The following ADGB variants were observed in gnomAD, a reference collection of about 807,000 sequenced individuals.
The protein encoded by ADGB is androglobin, also known as calpain-7-like protein.
ADGB carries 172 observed loss-of-function variants against 210.5 expected under a neutral mutation model. The observed-to-expected ratio is 0.82, with a 90% CI of 0.72 to 0.93. The LOEUF is 0.93. Among genes scored for constraint, ADGB ranks in the 40% least tolerant of loss-of-function variants. The probability of loss-of-function intolerance (pLI) is 0.00; values close to 1 mark genes in which losing one functional copy is unlikely to be tolerated. For missense variants in ADGB, 2,025 were observed against 1,964.8 expected (o/e 1.03, Z -0.58); for synonymous variants, 658 against 662.7 (o/e 0.99, Z 0.11).
At chr6:146,682,933 C>T (rs1294320659) in intron 9 of ADGB, among the ~76,000 whole-genome samples, 3 of 151,896 alleles carry the variant, frequency 2.0e-5, no homozygotes, top group Non-Finnish European at 4.4e-5. Flanking sequence ...AGTCCATGTG[C>T]TAGAATTTTG....
At chr6:146,646,184 T>G (rs1775608174) in intron 3 of ADGB, among the ~76,000 whole-genome samples, 1 of 152,054 alleles carries the variant, frequency 6.6e-6, no homozygotes, top group Admixed American at 6.6e-5. Context: ...GGATGTTACT[T>G]TTTAGTATGT....
At chr6:146,611,752 C>A (rs774957493) in intron 1 of ADGB, among the ~76,000 whole-genome samples, 8 of 152,002 alleles carry the variant, frequency 5.3e-5, no homozygotes, top group Non-Finnish European at 5.9e-5. Context: ...CTTGGGCAAA[C>A]CTTTTCCTGA....
rs186146082 is a variant in ADGB, at chr6:146,726,363, C to T, written c.2352+166C>T. On this transcript the variant is annotated intron_variant, in intron 19 of 35. Transcript: ENST00000397944. ...TCAGCCCCCCAAGTAGCTGGGATTA[C>T]AGGTGCGTGCCACCACACCCTGCAG... Among the ~76,000 whole-genome samples, 8 of 152,208 alleles carry T rather than the reference C, an allele frequency of 5.3e-5. No individual in the cohort carries two copies. The East Asian group carries it at 1.5e-3, about 29-fold the overall frequency.
intron 33 of ADGB, among the ~76,000 whole-genome samples, chr6:146,794,402 G>A (rs1035953700): frequency 4.0e-5 from 6 of 150,048 alleles, no homozygotes; most frequent in Non-Finnish European, 5.9e-5. Flanking sequence ...TTGTCCCATT[G>A]GAGAAAAAAC....
At chr6:146,669,079 A>T (rs1473203310) in intron 7 of ADGB, among the ~76,000 whole-genome samples, 2 of 152,132 alleles carry the variant, frequency 1.3e-5, no homozygotes, top group Non-Finnish European at 2.9e-5. Flanking sequence ...GGATTCAGAA[A>T]GGTCTGTTCC....
At chr6:146,773,620 A>G (rs1421432831) in intron 29 of ADGB, among the ~76,000 whole-genome samples, 1 of 152,198 alleles carries the variant, frequency 6.6e-6, no homozygotes, top group South Asian at 2.1e-4. Context: ...TCCCAGTTTT[A>G]CAGATGAAGA....
At position 146,772,578 on chromosome 6, in the gene ADGB, G is replaced by T. The variant is rs957887295; in HGVS notation, c.3862+3447G>T. On this transcript the variant is annotated intron_variant, in intron 29 of 35. Coordinates refer to ENST00000397944, the MANE Select transcript of ADGB (RefSeq NM_024694.4). ...GTCTCTGATAGAGGGCTGTATTATG[G>T]TTTTTTCCTATATTAATATGTAATT... is the stretch of plus-strand genomic sequence containing the variant. Among the ~76,000 whole-genome samples the T allele has an allele frequency of 5.5e-5, 8 of 146,012 alleles. No individual in the cohort carries two copies. The South Asian group carries it at 8.6e-4, about 16-fold the overall frequency.
Position 146,700,999 on chromosome 6 carries a change from G to T in ADGB, c.1636G>T (p.Val546Phe), listed in dbSNP as rs182423390. ...GIPPGSDLPS[V>F]SETDETATHS... ...ACCTCCAGGATCTGATTTACCTTCC[G>T]TCAGTGAAACTGATGAAACTGCAAC... The change falls in exon 13 of 36, where the codon GTC (valine) becomes TTC (phenylalanine). Residue 546 changes from valine (V) to phenylalanine (F), a missense_variant. Val to Phe is a conservative substitution (Grantham distance 50, BLOSUM62 -1). Coordinates refer to ENST00000397944, the MANE Select transcript of ADGB (RefSeq NM_024694.4). 4 of 1,550,900 alleles carry T rather than the reference G, an allele frequency of 2.6e-6. No homozygotes were observed. Among genetic ancestry groups the T allele is most frequent in the Middle Eastern group, 1.7e-4 (1 of 6,008 alleles).
intron 33 of ADGB, among the ~76,000 whole-genome samples, chr6:146,797,354 C>T (rs1778059782): frequency 6.6e-6 from 1 of 152,076 alleles, no homozygotes; most frequent in Non-Finnish European, 1.5e-5. Context: ...TGGGTACCTA[C>T]CCAAAGGAAA....
Position 146,692,893 on chromosome 6 carries a change from C to T in ADGB, c.1555C>T (p.Pro519Ser), listed in dbSNP as rs780139867. The T allele has an allele frequency of 1.6e-4, 237 of 1,528,488 alleles. No individual in the cohort carries two copies. Among genetic ancestry groups the T allele is most frequent in the Non-Finnish European group, 2.0e-4 (231 of 1,129,620 alleles). 94.7% of individuals were successfully genotyped at this position (1,528,488 alleles called of 1,614,324 possible). The change falls in exon 12 of 36, where the codon CCA (proline) becomes TCA (serine). Residue 519 changes from proline to serine, a missense_variant. Transcript: ENST00000397944. ...TCCATTTTTGAATTATAGAATGACT[C>T]CATTTACAATTCCAACAGAAATGTA... ...SSPFLNYRMT[P>S]FTIPTEMHFV...
chr6:146,744,756 A>G (rs1777205841), intron 25 of ADGB, among the ~76,000 whole-genome samples: 1 of 152,176 alleles, frequency 6.6e-6, no homozygotes. Flanking sequence ...TACTGAATCC[A>G]TTTAGAATAG....
intron 1 of ADGB, among the ~76,000 whole-genome samples, chr6:146,629,455 C>T (rs574160921): frequency 4.6e-5 from 7 of 152,214 alleles, no homozygotes; most frequent in East Asian, 1.9e-4. Context: ...ATATTTGATG[C>T]GTTACAAGGA....
chr6:146,801,246 C>T lies in ADGB; in HGVS notation c.4601C>T (p.Ala1534Val), dbSNP rs1778127152. The change falls in exon 34 of 36, where the codon GCA becomes GTA. Residue 1534 changes from alanine to valine, a missense_variant. Ala to Val is a moderately conservative substitution (Grantham distance 64, BLOSUM62 0). Transcript: ENST00000397944. Reference sequence around the variant, plus strand: ...ACATCTCCACGACTTATTCGAAAAGCACTAGAATTTATGGATTTAAGTCAA... The same window carrying T: ...ACATCTCCACGACTTATTCGAAAAGTACTAGAATTTATGGATTTAAGTCAA... Reference protein sequence around the residue: ...LETSPRLIRKALEFMDLSQYV... With the variant: ...LETSPRLIRKVLEFMDLSQYV... 6.6e-7 allele frequency: 1 copy of T among 1,514,534 alleles called. No individual in the cohort carries two copies. The highest frequency in any genetic ancestry group is 8.9e-7 in the Non-Finnish European group (1 of 1,129,942). The allele number at this position is 1,514,534 out of a possible 1,614,324, so 93.8% of individuals were successfully genotyped here. A position where few individuals can be genotyped will look rare whatever the true frequency, so the allele number is the denominator to read the frequency against.
At chr6:146,753,047 A>T (rs1297094611) in intron 27 of ADGB, among the ~76,000 whole-genome samples, 1 of 152,076 alleles carries the variant, frequency 6.6e-6, no homozygotes, top group East Asian at 1.9e-4. Flanking sequence ...TGTACTTACT[A>T]AAATTAACAA....
intron 8 of ADGB, among the ~76,000 whole-genome samples, chr6:146,672,727 C>CTTTTTTTTTTTTTT (rs58547170): frequency 7.0e-6 from 1 of 142,820 alleles, no homozygotes. Context: ...GTTTTTCTTT[C>CTTTTTTTTTTTTTT]TTTTTTTTTT....
intron 29 of ADGB, among the ~76,000 whole-genome samples, chr6:146,775,407 T>C (rs189884714): frequency 9.5e-4 from 144 of 152,276 alleles, no homozygotes; most frequent in African/African-American, 3.5e-3. Flanking sequence ...CCACCTTTAG[T>C]ATATTTTAAA....
chr6:146,751,209 TTATAAGTGA>T (rs1777315415), intron 26 of ADGB, among the ~76,000 whole-genome samples: 1 of 148,944 alleles, frequency 6.7e-6, no homozygotes, highest in Non-Finnish European at 1.5e-5. Context: ...CAGCTCCCAC[TTATAAGTGA>T]GAATATGCAG....
At chr6:146,731,857 G>A (rs374907254) in intron 20 of ADGB, among the ~76,000 whole-genome samples, 1 of 152,076 alleles carries the variant, frequency 6.6e-6, no homozygotes, top group Non-Finnish European at 1.5e-5. Context: ...TAGCAAACCC[G>A]TTATTGTGGG....
intron 29 of ADGB, among the ~76,000 whole-genome samples, chr6:146,772,451 C>T (rs920754618): frequency 1.4e-5 from 2 of 147,072 alleles, no homozygotes; most frequent in Non-Finnish European, 3.0e-5. Context: ...CAGCTGGTTG[C>T]TGGCACAGCT....
Sources: allele counts gnomAD v4.1 joint callset (sites outside exome capture counted in the v4.1 genomes callset), GRCh38; gene constraint gnomAD v4.1.1; transcripts MANE v1.5; gene names NCBI Gene and HGNC (gene_info 2026-07-23, HGNC 2026-07-21).